The following SASH1 variants were observed in gnomAD, a reference collection of about 807,000 sequenced individuals.
SASH1 encodes the protein SAM and SH3 domain containing 1, also known as SAM and SH3 domain-containing protein 1.
SASH1 carries 44 observed loss-of-function variants against 125.2 expected under a neutral mutation model. The observed-to-expected ratio is 0.35, with a 90% confidence interval of 0.28 to 0.45. The LOEUF is 0.45. SASH1 is among the 20% of genes least tolerant of loss of function. The pLI, the probability that SASH1 is intolerant of heterozygous loss-of-function variation, is 1.00. For missense variants in SASH1, 1,426 were observed against 1,614.5 expected (o/e 0.88, Z 2.00); for synonymous variants, 639 against 649.1 (o/e 0.98, Z 0.24).
Position 148,437,721 on chromosome 6 carries a change from T to TA in SASH1, c.286-2452dup, listed in dbSNP as rs1201535625. On this transcript the variant is annotated intron_variant, in intron 2 of 19. Coordinates refer to ENST00000367467, the MANE Select transcript of SASH1 (RefSeq NM_015278.5). ...GTAACATAGCAAGATGCTGTTTCTTTAAAAAAAAAAATTTGTTTAAATAGC... is the reference window on the plus strand; with the variant it reads ...GTAACATAGCAAGATGCTGTTTCTTTAAAAAAAAAAAATTTGTTTAAATAGC... 2.7e-3 allele frequency among the ~76,000 whole-genome samples: 411 copies of TA among 150,932 alleles called. 1 individual carries two copies. The highest frequency in any genetic ancestry group is 9.3e-3 in the African/African-American group (383 of 41,214).
chr6:148,364,472 G>A (rs1782370218), intron 1 of SASH1, among the ~76,000 whole-genome samples: 1 of 152,168 alleles, frequency 6.6e-6, no homozygotes, highest in Non-Finnish European at 1.5e-5. Flanking sequence ...CAAGCTCAGC[G>A]ATGGATTACA....
intron 1 of SASH1, among the ~76,000 whole-genome samples, chr6:148,292,548 A>G (rs1362700177): frequency 6.6e-6 from 1 of 152,162 alleles, no homozygotes; most frequent in Non-Finnish European, 1.5e-5. Context: ...TAGCCTTGAG[A>G]AGGCTCTGCC....
chr6:148,457,272 C>T (rs1483029577), intron 4 of SASH1, among the ~76,000 whole-genome samples: 1 of 150,992 alleles, frequency 6.6e-6, no homozygotes, highest in Non-Finnish European at 1.5e-5. Context: ...CCAGGGGCAG[C>T]ATTACAAACT....
At chr6:148,204,638 G>A in the SASH1 span, among the ~76,000 whole-genome samples, 3 of 152,120 alleles carry the variant, frequency 2.0e-5, no homozygotes, top group African/African-American at 7.2e-5. Context: ...GTTGCAGTGA[G>A]CCAAGAACAT....
At chr6:148,265,623 A>C in the SASH1 span, among the ~76,000 whole-genome samples, 1 of 152,314 alleles carries the variant, frequency 6.6e-6, no homozygotes, top group African/African-American at 2.4e-5. Context: ...AGTAGACATA[A>C]GAGCATTGAT....
At chr6:148,209,171 T>G in the SASH1 span, among the ~76,000 whole-genome samples, 1 of 152,260 alleles carries the variant, frequency 6.6e-6, no homozygotes, top group Non-Finnish European at 1.5e-5. Context: ...CACCTGAATT[T>G]TGATTCAGTG....
At chr6:148,390,975 C>T (rs1783691065) in intron 2 of SASH1, among the ~76,000 whole-genome samples, 1 of 151,434 alleles carries the variant, frequency 6.6e-6, no homozygotes, top group African/African-American at 2.4e-5. Context: ...TGGAAAGCAA[C>T]ATAAAATTTT....
intron 1 of SASH1, among the ~76,000 whole-genome samples, chr6:148,281,496 G>A (rs1228473960): frequency 6.6e-6 from 1 of 152,172 alleles, no homozygotes; most frequent in Non-Finnish European, 1.5e-5. Context: ...GCTCCAGGAG[G>A]CATGTCTCAA....
chr6:148,208,245 C>T, the SASH1 span, among the ~76,000 whole-genome samples: 1 of 152,220 alleles, frequency 6.6e-6, no homozygotes, highest in Non-Finnish European at 1.5e-5. Flanking sequence ...GGAAGAGGAA[C>T]ATGACCTAAT....
chr6:148,419,841 A>G (rs1046002330), intron 2 of SASH1, among the ~76,000 whole-genome samples: 1 of 152,220 alleles, frequency 6.6e-6, no homozygotes, highest in African/African-American at 2.4e-5. Flanking sequence ...CTGTTTTGTA[A>G]TTAACACCCT....
the SASH1 span, among the ~76,000 whole-genome samples, chr6:148,241,187 C>T: frequency 6.6e-6 from 1 of 152,124 alleles, no homozygotes; most frequent in African/African-American, 2.4e-5. Flanking sequence ...TTAAAGATTG[C>T]TTTTATTTAT....
intron 8 of SASH1, among the ~76,000 whole-genome samples, chr6:148,490,283 A>G (rs57773675): frequency 0.085 from 12,908 of 151,698 alleles, 591 homozygotes; most frequent in Non-Finnish European, 0.098. Context: ...ATCTCAGCTC[A>G]CTGCAACCTC....
At chr6:148,546,205 T>C in intron 19 of SASH1, 59 bp downstream of exon 19, 1 of 1,569,944 alleles carries the variant, frequency 6.4e-7, no homozygotes, top group South Asian at 1.2e-5. Flanking sequence ...CGCTTAGTGA[T>C]GACCATACTA....
chr6:148,452,452 C>A (rs548918995), intron 4 of SASH1, among the ~76,000 whole-genome samples: 1 of 152,166 alleles, frequency 6.6e-6, no homozygotes, highest in African/African-American at 2.4e-5. Context: ...TGCCCTGCAC[C>A]GATCAATTTA....
chr6:148,447,414 A>G (rs1487620640), intron 4 of SASH1, among the ~76,000 whole-genome samples: 1 of 152,200 alleles, frequency 6.6e-6, no homozygotes, highest in Admixed American at 6.5e-5. Context: ...GGTATGTTTT[A>G]TCTGGCAAGC....
chr6:148,319,701 A>G (rs2114569092), intron 1 of SASH1, among the ~76,000 whole-genome samples: 1 of 152,184 alleles, frequency 6.6e-6, no homozygotes, highest in African/African-American at 2.4e-5. Flanking sequence ...TTTGGTAGAC[A>G]CAGGGTTTCT....
the SASH1 span, among the ~76,000 whole-genome samples, chr6:148,260,796 CTTTTTTTTT>C: frequency 7.1e-4 from 74 of 104,024 alleles, no homozygotes; most frequent in South Asian, 2.1e-3. Flanking sequence ...CCTATAAGGG[CTTTTTTTTT>C]TTTTTTTTTT....
At chr6:148,543,341 A>G (rs1782344912) in intron 17 of SASH1, among the ~76,000 whole-genome samples, 1 of 152,366 alleles carries the variant, frequency 6.6e-6, no homozygotes, top group Non-Finnish European at 1.5e-5. Context: ...AATATGCGGT[A>G]TGATGATCAG....
At chr6:148,259,960 A>G in the SASH1 span, among the ~76,000 whole-genome samples, 1 of 152,130 alleles carries the variant, frequency 6.6e-6, no homozygotes. Context: ...AACACAGCTC[A>G]CTGCAGCTTC....
Sources: gnomAD v4.1 joint callset for allele counts (sites outside exome capture counted in the v4.1 genomes callset) on GRCh38, gnomAD v4.1.1 for gene constraint, MANE v1.5 for transcripts, NCBI Gene and HGNC (gene_info 2026-07-23, HGNC 2026-07-21) for gene names.